CNTNAP2: variants seen among roughly 807,000 people sequenced by gnomAD.
CNTNAP2 encodes contactin-associated protein-like 2.
CNTNAP2 carries 98 observed loss-of-function variants against 155.2 expected under a neutral mutation model. The ratio of observed to expected loss-of-function variants is 0.63; its 90% CI spans 0.54 to 0.75. The LOEUF (loss-of-function observed/expected upper bound fraction) is 0.75. Ranked by LOEUF, CNTNAP2 falls within the 30% of genes least tolerant of loss-of-function variation. The pLI is 0.00. For missense variants in CNTNAP2, 1,727 were observed against 1,688.1 expected, an observed-to-expected ratio of 1.02 and a Z score of -0.40; for synonymous variants, 651 against 631.2, an observed-to-expected ratio of 1.03 and a Z score of -0.47.
intron 21 of CNTNAP2, among the ~76,000 whole-genome samples, chr7:148,379,508 A>G (rs999351488): frequency 2.6e-5 from 4 of 152,034 alleles, no homozygotes; most frequent in African/African-American, 9.7e-5. Context: ...GTTTGGGACC[A>G]ACCTGGGTAA....
Position 146,119,972 on chromosome 7 carries a change from T to C in CNTNAP2, c.97+2999T>C, listed in dbSNP as rs145718016. On this transcript the variant is annotated intron_variant, in intron 1 of 23. Transcript: ENST00000361727. ...ATAGATACATATTTAATATAGCACATATATTAAGTATTATATGTAAAAATG... is the reference window on the plus strand; with the variant it reads ...ATAGATACATATTTAATATAGCACACATATTAAGTATTATATGTAAAAATG... 1.1e-4 allele frequency among the ~76,000 whole-genome samples: 17 copies of C among 151,990 alleles called. No homozygotes were observed. The East Asian group carries it at 3.3e-3, about 29-fold the overall frequency.
At chr7:147,136,155 G>A (rs183058415) in intron 8 of CNTNAP2, among the ~76,000 whole-genome samples, 122 of 151,848 alleles carry the variant, frequency 8.0e-4, no homozygotes, top group Non-Finnish European at 1.6e-3. Context: ...GTAATACAAT[G>A]TGATTCAGCA....
At chr7:148,396,491 G>C (rs4726970) in intron 22 of CNTNAP2, among the ~76,000 whole-genome samples, 45,524 of 151,926 alleles carry the variant, frequency 0.3, 7,479 homozygotes, top group African/African-American at 0.43. Context: ...AGAATTCCCA[G>C]GTGTGAATTC....
At chr7:146,935,182 A>G (rs1796886025) in intron 3 of CNTNAP2, among the ~76,000 whole-genome samples, 1 of 152,180 alleles carries the variant, frequency 6.6e-6, no homozygotes, top group African/African-American at 2.4e-5. Context: ...AGCTTTTCCC[A>G]AGATCATGAA....
intron 13 of CNTNAP2, among the ~76,000 whole-genome samples, chr7:147,815,610 A>G (rs978015511): frequency 1.3e-5 from 2 of 152,118 alleles, no homozygotes; most frequent in African/African-American, 4.8e-5. Flanking sequence ...CCAGACAATC[A>G]TCTCTCTATT....
In CNTNAP2 at chr7:147,553,501, T is replaced by C. The variant is rs114408623; in HGVS notation, c.1778-8637T>C. On this transcript the variant is annotated intron_variant, in intron 11 of 23. Transcript: ENST00000361727. ...ATCCAGTTTATTTTTCTAAAGTCTC[T>C]GAGTACTTTGTTTTATAATCTTTTA... is the stretch of plus-strand genomic sequence containing the variant. Among the ~76,000 whole-genome samples the C allele has an allele frequency of 6.5e-3, 985 of 152,316 alleles. 13 individuals carry two copies. The highest frequency in any genetic ancestry group is 0.022 in the African/African-American group (926 of 41,562).
chr7:146,940,844 GAGAA>G (rs1373335458), intron 3 of CNTNAP2, among the ~76,000 whole-genome samples: 3 of 151,632 alleles, frequency 2.0e-5, no homozygotes, highest in Non-Finnish European at 2.9e-5. Flanking sequence ...GAGAAAGAGA[GAGAA>G]AGAGAGAGAG....
intron 16 of CNTNAP2, among the ~76,000 whole-genome samples, chr7:148,120,046 C>T (rs1804567136): frequency 6.6e-6 from 1 of 151,348 alleles, no homozygotes; most frequent in African/African-American, 2.4e-5. Context: ...TAAGTTGGAT[C>T]AAATTTTAGA....
chr7:146,864,120 T>C (rs1795156781), intron 3 of CNTNAP2, among the ~76,000 whole-genome samples: 1 of 152,012 alleles, frequency 6.6e-6, no homozygotes, highest in South Asian at 2.1e-4. Flanking sequence ...TCTTTAATAA[T>C]GTAGAGCATT....
chr7:146,158,376 T>C (rs986292298), intron 1 of CNTNAP2, among the ~76,000 whole-genome samples: 13 of 152,152 alleles, frequency 8.5e-5, no homozygotes, highest in Admixed American at 2.0e-4. Flanking sequence ...GGGACAAAGC[T>C]GGATGGAGAA....
chr7:146,592,978 G>A (rs1171546236), intron 1 of CNTNAP2, among the ~76,000 whole-genome samples: 4 of 151,722 alleles, frequency 2.6e-5, no homozygotes, highest in Non-Finnish European at 5.9e-5. Context: ...TTGCTTTCAG[G>A]TATGTCTGCC....
At chr7:146,409,786 C>T (rs1526161) in intron 1 of CNTNAP2, among the ~76,000 whole-genome samples, 76,315 of 152,006 alleles carry the variant, frequency 0.5, 21,404 homozygotes, top group African/African-American at 0.76. Flanking sequence ...AACCACTCTT[C>T]GAAAACCACC....
At chr7:147,344,704 C>T (rs889092204) in intron 9 of CNTNAP2, among the ~76,000 whole-genome samples, 2 of 152,024 alleles carry the variant, frequency 1.3e-5, no homozygotes, top group South Asian at 2.1e-4. Flanking sequence ...TTAGTTTTCT[C>T]CTACTTGTCT....
chr7:147,148,206 C>T (rs897757437), intron 8 of CNTNAP2, among the ~76,000 whole-genome samples: 29 of 151,434 alleles, frequency 1.9e-4, no homozygotes, highest in African/African-American at 2.2e-4. Context: ...CCGGCTAAAA[C>T]GGTGAAACCC....
intron 15 of CNTNAP2, among the ~76,000 whole-genome samples, chr7:147,989,377 C>G (rs1201757516): frequency 6.6e-6 from 1 of 152,194 alleles, no homozygotes; most frequent in African/African-American, 2.4e-5. Flanking sequence ...AGATCCTTAC[C>G]TCAGCTGCAA....
chr7:147,369,332 C>G (rs184803529), intron 9 of CNTNAP2, among the ~76,000 whole-genome samples: 1 of 152,196 alleles, frequency 6.6e-6, no homozygotes, highest in South Asian at 2.1e-4. Flanking sequence ...CTGTCTCCCC[C>G]AAGCTAAACG....
In CNTNAP2 at chr7:147,759,140, C is replaced by T. The variant is rs555782387; in HGVS notation, c.2098+119834C>T. On this transcript the variant is annotated intron_variant, in intron 13 of 23. Transcript: ENST00000361727. ...TACTGTTCCTAAGGACAATTCAGTC[C>T]CTCCTCCCATGCGTAAACCTTTCTA... Among the ~76,000 whole-genome samples, 4 of 152,084 alleles carry T rather than the reference C, an allele frequency of 2.6e-5. 1 individual carries two copies. Among genetic ancestry groups the T allele is most frequent in the African/African-American group, 9.6e-5 (4 of 41,492 alleles).
intron 1 of CNTNAP2, among the ~76,000 whole-genome samples, chr7:146,706,389 G>C (rs188424316): frequency 1.3e-4 from 20 of 152,106 alleles, no homozygotes; most frequent in African/African-American, 4.6e-4. Context: ...ATGCTATGAA[G>C]AAAAATTAAA....
At chr7:148,183,387 T>C (rs2972105) in intron 18 of CNTNAP2, among the ~76,000 whole-genome samples, 101,797 of 151,918 alleles carry the variant, frequency 0.67, 34,194 homozygotes, top group South Asian at 0.73. Flanking sequence ...AAGCCTAAAG[T>C]CTAAAGACAA....
Sources: allele counts gnomAD v4.1 joint callset (sites outside exome capture counted in the v4.1 genomes callset), GRCh38; gene constraint gnomAD v4.1.1; transcripts MANE v1.5; gene names NCBI Gene and HGNC (gene_info 2026-07-23, HGNC 2026-07-21).